The following TBC1D32 variants were observed in gnomAD, a reference collection of about 807,000 sequenced individuals.
TBC1D32 encodes protein broad-minded.
In TBC1D32, 151 loss-of-function variants were observed where a neutral mutation model predicts 170.3. That is an observed-to-expected ratio of 0.89 (90% CI 0.78 to 1.01). TBC1D32 has a LOEUF of 1.01. Among genes scored for constraint, TBC1D32 ranks in the 50% least tolerant of loss-of-function variants. The pLI is 0.00. For synonymous variants in TBC1D32, 498 were observed against 488.0 expected, an observed-to-expected ratio of 1.02 and a Z score of -0.27; for missense variants, 1,464 against 1,457.1, an observed-to-expected ratio of 1.00 and a Z score of -0.08.
chr6:121,136,023 C>T (rs1055673692), intron 24 of TBC1D32, among the ~76,000 whole-genome samples: 4 of 152,064 alleles, frequency 2.6e-5, no homozygotes, highest in African/African-American at 7.2e-5. Context: ...ATGTCTAATG[C>T]CCCCCAAAAC....
chr6:121,282,362 T>A (rs544609402), intron 13 of TBC1D32, among the ~76,000 whole-genome samples: 2 of 151,872 alleles, frequency 1.3e-5, no homozygotes, highest in Non-Finnish European at 3.0e-5. Flanking sequence ...TCTAATATCC[T>A]CAAAACAATA....
chr6:121,318,373 T>A (rs145743070), intron 2 of TBC1D32, among the ~76,000 whole-genome samples: 1,891 of 152,130 alleles, frequency 0.012, 14 homozygotes, highest in Non-Finnish European at 0.018. Flanking sequence ...CTCTCAAGCA[T>A]CCATATGAAT....
intron 11 of TBC1D32, among the ~76,000 whole-genome samples, chr6:121,293,894 C>A (rs1767975311): frequency 6.6e-6 from 1 of 151,976 alleles, no homozygotes; most frequent in Non-Finnish European, 1.5e-5. Flanking sequence ...CTGGGTGATA[C>A]AGCGAGACTC....
At chr6:121,162,341 T>C (rs891654532) in intron 22 of TBC1D32, among the ~76,000 whole-genome samples, 8 of 152,174 alleles carry the variant, frequency 5.3e-5, no homozygotes, top group African/African-American at 1.4e-4. Flanking sequence ...TGGGTTTACA[T>C]TGAAGTATTT....
chr6:121,321,237 T>C (rs1186024845), intron 2 of TBC1D32, among the ~76,000 whole-genome samples: 3 of 152,280 alleles, frequency 2.0e-5, no homozygotes, highest in Non-Finnish European at 4.4e-5. Flanking sequence ...GAGCAAGTTA[T>C]GCAAATATTT....
intron 26 of TBC1D32, among the ~76,000 whole-genome samples, chr6:121,116,251 C>G (rs1164232934): frequency 6.6e-6 from 1 of 151,564 alleles, no homozygotes; most frequent in African/African-American, 2.4e-5. Flanking sequence ...GCTCATTCAT[C>G]CCCTTAGTAA....
intron 27 of TBC1D32, 70 bp from the exon 28 acceptor site, chr6:121,113,247 T>C (rs1779370211): frequency 6.1e-6 from 6 of 980,406 alleles, no homozygotes; most frequent in Middle Eastern, 2.2e-4. Flanking sequence ...TTACTTCTTT[T>C]AGCATAACTA....
chr6:121,200,793 A>G (rs896824928), intron 22 of TBC1D32, among the ~76,000 whole-genome samples: 2 of 151,492 alleles, frequency 1.3e-5, no homozygotes, highest in Non-Finnish European at 2.9e-5. Flanking sequence ...TTGAATTTGT[A>G]TAAGTAGACA....
In TBC1D32 at chr6:121,216,747, T is replaced by C. The variant is rs113003188; in HGVS notation, c.2481+6489A>G. On this transcript the variant is annotated intron_variant, in intron 21 of 31. Transcript: ENST00000398212. Reference sequence around the variant, plus strand: ...CAGTGAACAAAGTGATGAAAGAAAATGATGAACTCAGAGATTCTGTCTCCT... The same window carrying C: ...CAGTGAACAAAGTGATGAAAGAAAACGATGAACTCAGAGATTCTGTCTCCT... Among the ~76,000 whole-genome samples the C allele has an allele frequency of 9.7e-4, 147 of 152,224 alleles. 1 individual carries two copies. Among genetic ancestry groups the C allele is most frequent in the African/African-American group, 3.2e-3 (134 of 41,538 alleles).
chr6:121,155,406 C>A (rs1477521502), intron 24 of TBC1D32, among the ~76,000 whole-genome samples: 1 of 151,984 alleles, frequency 6.6e-6, no homozygotes, highest in Non-Finnish European at 1.5e-5. Flanking sequence ...TTATTAGAAT[C>A]CTAGGGTTTT....
chr6:121,314,906 A>G (rs1808712394), intron 3 of TBC1D32, among the ~76,000 whole-genome samples: 1 of 152,224 alleles, frequency 6.6e-6, no homozygotes, highest in South Asian at 2.1e-4. Context: ...ACCTGTATAA[A>G]GCAGTGTCTG....
At chr6:121,309,863 A>G (rs1446692913) in intron 4 of TBC1D32, among the ~76,000 whole-genome samples, 1 of 152,020 alleles carries the variant, frequency 6.6e-6, no homozygotes, top group Non-Finnish European at 1.5e-5. Context: ...ACAAAACCCC[A>G]TCTGTACAAA....
At chr6:121,179,851 A>T (rs1788281928) in intron 22 of TBC1D32, among the ~76,000 whole-genome samples, 1 of 152,100 alleles carries the variant, frequency 6.6e-6, no homozygotes, top group South Asian at 2.1e-4. Flanking sequence ...CTTGGTAAGA[A>T]ACATACAGCT....
Position 121,196,141 on chromosome 6 carries a change from T to A in TBC1D32, c.2570+8934A>T, listed in dbSNP as rs184662138. On this transcript the variant is annotated intron_variant, in intron 22 of 31. Coordinates refer to ENST00000398212, the MANE Select transcript of TBC1D32 (RefSeq NM_152730.6). ...AGGAGGATTTTAATAATCAAGTGGA[T>A]AGGATGACCCGTTCTGTGGACACCA... Among the ~76,000 whole-genome samples the A allele has an allele frequency of 6.6e-4, 101 of 152,284 alleles. 1 individual carries two copies. The highest frequency in any genetic ancestry group is 8.8e-5 in the Non-Finnish European group (6 of 68,020).
intron 30 of TBC1D32, among the ~76,000 whole-genome samples, chr6:121,098,156 T>G (rs1169359203): frequency 6.6e-6 from 1 of 151,388 alleles, no homozygotes; most frequent in Non-Finnish European, 1.5e-5. Flanking sequence ...GTAACAAACC[T>G]GTATGTTCTG....
chr6:121,235,983 T>G (rs990580343), intron 20 of TBC1D32, among the ~76,000 whole-genome samples: 3 of 152,202 alleles, frequency 2.0e-5, no homozygotes, highest in Non-Finnish European at 4.4e-5. Flanking sequence ...TTAGAATATT[T>G]AGTTCATTTG....
At chr6:121,102,063 A>G (rs1242866531) in intron 30 of TBC1D32, among the ~76,000 whole-genome samples, 1 of 152,164 alleles carries the variant, frequency 6.6e-6, no homozygotes, top group African/African-American at 2.4e-5. Flanking sequence ...GGAGAACTAC[A>G]AACCACTACT....
intron 24 of TBC1D32, among the ~76,000 whole-genome samples, chr6:121,140,306 T>TA (rs140914487): frequency 0.19 from 27,818 of 148,368 alleles, 3,492 homozygotes; most frequent in African/African-American, 0.34. Context: ...TAATTTGTAG[T>TA]AAAAAAAATT....
chr6:121,255,640 A>T (rs1235829632), intron 16 of TBC1D32, among the ~76,000 whole-genome samples: 1 of 152,026 alleles, frequency 6.6e-6, no homozygotes, highest in South Asian at 2.1e-4. Context: ...TGTTAATGAA[A>T]TATCATATAA....
Sources: gnomAD v4.1 joint callset for allele counts (sites outside exome capture counted in the v4.1 genomes callset) on GRCh38, gnomAD v4.1.1 for gene constraint, MANE v1.5 for transcripts, NCBI Gene and HGNC (gene_info 2026-07-23, HGNC 2026-07-21) for gene names.